Variants in SCGB2B2 observed in about 807,000 individuals in gnomAD.
SCGB2B2 encodes the protein secretoglobin family 2B member 2, also known as secretoglobin-like protein.
Under a neutral mutation model 7.6 loss-of-function variants are expected in SCGB2B2, and 11 were observed. The observed-to-expected ratio is 1.45, with a 90% CI of 0.91 to 2.40. The LOEUF (loss-of-function observed/expected upper bound fraction) is 2.40. Among genes scored for constraint, SCGB2B2 ranks in the 30% most tolerant of loss-of-function variants. The pLI, the probability that SCGB2B2 is intolerant of heterozygous loss-of-function variation, is 0.00. For missense variants in SCGB2B2, 104 were observed against 115.4 expected, an observed-to-expected ratio of 0.90 and a Z score of 0.45; for synonymous variants, 50 against 48.6, an observed-to-expected ratio of 1.03 and a Z score of -0.12.
chr19:34,605,315 G>T (rs1207799414), intron 1 of SCGB2B2, among the ~76,000 whole-genome samples: 1 of 152,176 alleles, frequency 6.6e-6, no homozygotes, highest in African/African-American at 2.4e-5. Flanking sequence ...TGTAGGTTTT[G>T]TATGGATGGC....
intron 1 of SCGB2B2, among the ~76,000 whole-genome samples, chr19:34,606,523 T>C (rs1440836350): frequency 6.6e-6 from 1 of 151,324 alleles, no homozygotes; most frequent in African/African-American, 2.4e-5. Flanking sequence ...TTTTCTTTTT[T>C]TTTTTGCTGG....
rs747478448 is a variant in SCGB2B2 at position 34,591,080 on chromosome 19, T to G, written c.*2475A>C. ...TTAAATTCCATTGAAATGCTGAAAT[T>G]TACATGTTTTTGTCTCCAGGCCCAA... On this transcript the variant is annotated 3_prime_UTR_variant, in exon 4 of 4. Coordinates refer to ENST00000601241, the MANE Select transcript of SCGB2B2 (RefSeq NM_001025591.4). 1.2e-4 allele frequency among the ~76,000 whole-genome samples: 19 copies of G among 152,178 alleles called. No individual in the cohort carries two copies. The highest frequency in any genetic ancestry group is 2.2e-4 in the Non-Finnish European group (15 of 68,040).
chr19:34,591,024 G>A lies in SCGB2B2; in HGVS notation c.*2531C>T, dbSNP rs905599034. On this transcript the variant is annotated 3_prime_UTR_variant, in exon 4 of 4. Coordinates refer to ENST00000601241, the MANE Select transcript of SCGB2B2 (RefSeq NM_001025591.4). ...TTAATTGAGACTGAATAAGTAGCATGATCTGCATTATTTTCTTTAGCTCCA... is the reference window on the plus strand; with the variant it reads ...TTAATTGAGACTGAATAAGTAGCATAATCTGCATTATTTTCTTTAGCTCCA... Among the ~76,000 whole-genome samples the A allele has an allele frequency of 6.6e-6, 1 of 152,196 alleles. No homozygotes were observed.
chr19:34,594,483 C>T lies in SCGB2B2; in HGVS notation c.61+20G>A, dbSNP rs1264134336. 3 of 1,613,474 alleles carry T rather than the reference C, an allele frequency of 1.9e-6. No individual in the cohort carries two copies. Among genetic ancestry groups the T allele is most frequent in the Non-Finnish European group, 2.5e-6 (3 of 1,179,536 alleles). ...AGCAGGGCCACCGCTTCCTCCCAGC[C>T]CTGCTCGCCTCTTTCTTACCCAGCT... On this transcript the variant is annotated intron_variant, in intron 2 of 3. Coordinates refer to ENST00000601241, the MANE Select transcript of SCGB2B2 (RefSeq NM_001025591.4).
At chr19:34,616,259 G>T (rs927315564) in intron 1 of SCGB2B2, among the ~76,000 whole-genome samples, 1 of 149,086 alleles carries the variant, frequency 6.7e-6, no homozygotes, top group Non-Finnish European at 1.5e-5. Context: ...CTGAGGAATG[G>T]CCACACTGAC....
intron 1 of SCGB2B2, among the ~76,000 whole-genome samples, chr19:34,628,214 G>C (rs1054889550): frequency 3.9e-5 from 6 of 152,108 alleles, no homozygotes; most frequent in Admixed American, 1.3e-4. Context: ...AAAAGAACTG[G>C]AGAAGCAAGA....
At chr19:34,645,573 C>T (rs1486725375) in intron 1 of SCGB2B2, 6 of 239,750 alleles carry the variant, frequency 2.5e-5, no homozygotes, top group African/African-American at 7.1e-5. Context: ...CACACACACA[C>T]GAAGGTGTGT....
chr19:34,658,188 G>A (rs547203455), intron 1 of SCGB2B2, among the ~76,000 whole-genome samples: 2 of 152,100 alleles, frequency 1.3e-5, no homozygotes, highest in South Asian at 2.1e-4. Context: ...TTAAAAGAAC[G>A]AGAGATTCAA....
At chr19:34,665,588 G>A (rs969864239) in intron 1 of SCGB2B2, among the ~76,000 whole-genome samples, 1 of 147,520 alleles carries the variant, frequency 6.8e-6, no homozygotes, top group Non-Finnish European at 1.5e-5. Flanking sequence ...CCTGTAACCT[G>A]CAGTGTGGTG....
downstream of SCGB2B2, among the ~76,000 whole-genome samples, chr19:34,589,160 G>A (rs532623319): frequency 6.6e-6 from 1 of 152,254 alleles, no homozygotes; most frequent in Non-Finnish European, 1.5e-5. Context: ...GCTATGGGAA[G>A]GTCAACACTT....
intron 1 of SCGB2B2, among the ~76,000 whole-genome samples, chr19:34,620,687 T>G (rs745997516): frequency 1.6e-4 from 24 of 152,234 alleles, no homozygotes; most frequent in Non-Finnish European, 3.4e-4. Flanking sequence ...CAGATGAATT[T>G]TCTGCCTAGG....
At chr19:34,631,870 C>T (rs1001419381) in intron 1 of SCGB2B2, 4 of 151,980 alleles carry the variant, frequency 2.6e-5, no homozygotes, top group African/African-American at 9.7e-5. Flanking sequence ...AATACATTGC[C>T]TGATTTAAAG....
At chr19:34,664,574 G>A (rs1176972203) in intron 1 of SCGB2B2, among the ~76,000 whole-genome samples, 2 of 152,130 alleles carry the variant, frequency 1.3e-5, no homozygotes, top group South Asian at 2.1e-4. Context: ...CCCACTCCAC[G>A]CTCTACTGCA....
intron 1 of SCGB2B2, among the ~76,000 whole-genome samples, chr19:34,644,133 G>GA (rs1274850014): frequency 2.0e-5 from 3 of 152,130 alleles, no homozygotes; most frequent in African/African-American, 7.2e-5. Context: ...CGTGGCATAC[G>GA]AGCAGACAGA....
At chr19:34,615,010 G>A (rs1382910549) in intron 1 of SCGB2B2, among the ~76,000 whole-genome samples, 7 of 152,202 alleles carry the variant, frequency 4.6e-5, no homozygotes, top group East Asian at 1.9e-4. Flanking sequence ...CAGCACCACA[G>A]GGGAAGGGTG....
chr19:34,615,414 G>A (rs2066043944), intron 1 of SCGB2B2, among the ~76,000 whole-genome samples: 1 of 151,238 alleles, frequency 6.6e-6, no homozygotes, highest in Admixed American at 6.6e-5. Flanking sequence ...ATCATGTGTA[G>A]GGGATGGGAC....
In SCGB2B2 at chr19:34,650,021, G is replaced by A. The variant is rs1219173600; in HGVS notation, c.-2032+25609C>T. Among the ~76,000 whole-genome samples the A allele has an allele frequency of 2.6e-4, 39 of 151,214 alleles. 1 individual carries two copies. The highest frequency in any genetic ancestry group is 2.6e-3 in the Admixed American group (39 of 15,254). On this transcript the variant is annotated intron_variant, in intron 1 of 3. Coordinates refer to ENST00000601241, the MANE Select transcript of SCGB2B2 (RefSeq NM_001025591.4). ...TAAGTCATCCCCTAAGTGTCCTGAG[G>A]GCAATAACCGGGGCGTAAATGCCCT... is the stretch of plus-strand genomic sequence containing the variant.
rs138363297 is a variant in SCGB2B2 at position 34,658,813 on chromosome 19, C to CAAA, written c.-2032+16814_-2032+16816dup. Reference sequence around the variant, plus strand: ...GACACAACAACAACAACAACAACAACAAAAAAAAAAAAAAAAAAAAAAGAG... The same window carrying CAAA: ...GACACAACAACAACAACAACAACAACAAAAAAAAAAAAAAAAAAAAAAAAAGAG... On this transcript the variant is annotated intron_variant, in intron 1 of 3. Coordinates refer to ENST00000601241, the MANE Select transcript of SCGB2B2 (RefSeq NM_001025591.4). 4.8e-3 allele frequency among the ~76,000 whole-genome samples: 491 copies of CAAA among 101,744 alleles called. 2 individuals are homozygous for CAAA. The highest frequency in any genetic ancestry group is 0.022 in the African/African-American group (419 of 18,990). 66.7% of individuals were successfully genotyped at this position (101,744 alleles called of 152,430 possible).
chr19:34,645,295 A>G (rs1214708952), intron 1 of SCGB2B2: 1 of 152,406 alleles, frequency 6.6e-6, no homozygotes, highest in Non-Finnish European at 1.5e-5. Flanking sequence ...CTGGGCACAC[A>G]TGCACACACA....
Sources: allele counts gnomAD v4.1 joint callset (sites outside exome capture counted in the v4.1 genomes callset), GRCh38; gene constraint gnomAD v4.1.1; transcripts MANE v1.5; gene names NCBI Gene and HGNC (gene_info 2026-07-23, HGNC 2026-07-21).